CACNA2D1: variants seen among roughly 807,000 people sequenced by gnomAD.
The protein encoded by CACNA2D1 is calcium voltage-gated channel auxiliary subunit alpha2delta 1.
A neutral mutation model predicts 171.5 loss-of-function variants in CACNA2D1; 53 were observed. That is an observed-to-expected ratio of 0.31 (90% CI 0.25 to 0.39). CACNA2D1 has a LOEUF of 0.39. Among genes scored for constraint, CACNA2D1 ranks in the 10% least tolerant of loss-of-function variants. The probability of loss-of-function intolerance (pLI) is 1.00; values close to 1 mark genes in which losing one functional copy is unlikely to be tolerated. For missense variants in CACNA2D1, 903 were observed against 1,299.8 expected, an observed-to-expected ratio of 0.69 and a Z score of 4.69; for synonymous variants, 442 against 443.1, an observed-to-expected ratio of 1.00 and a Z score of 0.03.
chr7:82,255,381 G>GT (rs1563265465), intron 3 of CACNA2D1, among the ~76,000 whole-genome samples: 1 of 152,108 alleles, frequency 6.6e-6, no homozygotes, highest in Non-Finnish European at 1.5e-5. Flanking sequence ...GTTCTTTGAC[G>GT]TATGTATCCC....
At chr7:82,337,662 C>T (rs760879928) in intron 2 of CACNA2D1, among the ~76,000 whole-genome samples, 74 of 152,122 alleles carry the variant, frequency 4.9e-4, no homozygotes, top group Non-Finnish European at 7.1e-4. Flanking sequence ...GGAAATAATA[C>T]GAGTTTTTGG....
At chr7:82,335,399 A>T (rs1585545719) in intron 2 of CACNA2D1, 148 bp from the exon 3 acceptor site, 1 of 646,546 alleles carries the variant, frequency 1.5e-6, no homozygotes, top group East Asian at 2.7e-5. Flanking sequence ...TGAGTGTGTC[A>T]GGAAAAAATA....
intron 7 of CACNA2D1, among the ~76,000 whole-genome samples, chr7:82,067,094 TTGTA>T (rs1807732658): frequency 6.6e-6 from 1 of 152,166 alleles, no homozygotes; most frequent in African/African-American, 2.4e-5. Context: ...TTCAACAATC[TTGTA>T]TGACTTTCAC....
intron 1 of CACNA2D1, among the ~76,000 whole-genome samples, chr7:82,406,193 T>C (rs961718161): frequency 3.9e-5 from 6 of 152,194 alleles, no homozygotes; most frequent in Non-Finnish European, 7.3e-5. Context: ...TCCAGCTTCA[T>C]CCATGTCCCT....
chr7:82,112,954 G>T (rs747992011), intron 6 of CACNA2D1, among the ~76,000 whole-genome samples: 1 of 152,100 alleles, frequency 6.6e-6, no homozygotes, highest in Non-Finnish European at 1.5e-5. Context: ...AGCACTTTTA[G>T]TAAAGCATAT....
intron 5 of CACNA2D1, among the ~76,000 whole-genome samples, chr7:82,134,742 A>G (rs1410633150): frequency 5.9e-5 from 9 of 152,186 alleles, no homozygotes; most frequent in African/African-American, 2.2e-4. Flanking sequence ...GTTCACTTAC[A>G]CATTTTTTTC....
chr7:82,231,897 T>G (rs1405213621), intron 3 of CACNA2D1, among the ~76,000 whole-genome samples: 1 of 152,148 alleles, frequency 6.6e-6, no homozygotes, highest in Non-Finnish European at 1.5e-5. Flanking sequence ...CATTTTACAT[T>G]TTACTCTTCC....
chr7:82,084,465 T>C (rs1447386961), intron 7 of CACNA2D1, among the ~76,000 whole-genome samples: 1 of 152,160 alleles, frequency 6.6e-6, no homozygotes, highest in Non-Finnish European at 1.5e-5. Flanking sequence ...TGGGCCTTTA[T>C]CTCAGAGCTG....
chr7:82,297,659 T>C (rs962841746), intron 3 of CACNA2D1, among the ~76,000 whole-genome samples: 1 of 152,190 alleles, frequency 6.6e-6, no homozygotes, highest in Non-Finnish European at 1.5e-5. Flanking sequence ...AGATCACCTT[T>C]AGCCTTTTTA....
At chr7:82,438,918 A>AT (rs915643162) in intron 1 of CACNA2D1, among the ~76,000 whole-genome samples, 1 of 152,118 alleles carries the variant, frequency 6.6e-6, no homozygotes, top group African/African-American at 2.4e-5. Flanking sequence ...TGAAATTCTG[A>AT]TTTTTTTCCC....
At chr7:82,233,335 AT>A (rs1339227153) in intron 3 of CACNA2D1, among the ~76,000 whole-genome samples, 3 of 152,334 alleles carry the variant, frequency 2.0e-5, no homozygotes, top group Admixed American at 2.0e-4. Context: ...AACAGTATAC[AT>A]ACAGAAAAGT....
intron 3 of CACNA2D1, among the ~76,000 whole-genome samples, chr7:82,218,657 ATTTCT>A (rs1305563628): frequency 2.6e-5 from 4 of 152,156 alleles, no homozygotes; most frequent in Non-Finnish European, 5.9e-5. Flanking sequence ...TTGACTAAAA[ATTTCT>A]TTTCTCTGTA....
chr7:82,400,055 A>G (rs1585817252), intron 1 of CACNA2D1, among the ~76,000 whole-genome samples: 1 of 151,122 alleles, frequency 6.6e-6, no homozygotes, highest in African/African-American at 2.4e-5. Context: ...TGTTCCATTG[A>G]TCTATATCTC....
At chr7:82,098,996 T>C (rs1029691457) in intron 6 of CACNA2D1, among the ~76,000 whole-genome samples, 1 of 152,222 alleles carries the variant, frequency 6.6e-6, no homozygotes, top group Non-Finnish European at 1.5e-5. Context: ...TTTAAACCAG[T>C]AGTTACTCTG....
At position 82,060,198 on chromosome 7, in the gene CACNA2D1, ATAT is replaced by A. The variant is rs1480462102; in HGVS notation, c.879+227_879+229del. ...TATATAATATATATATATTATATAT[ATAT>A]TATATATATAATATATATATAATAT... On this transcript the variant is annotated intron_variant, in intron 10 of 38. Coordinates refer to ENST00000356860, the MANE Select transcript of CACNA2D1 (RefSeq NM_000722.4). 1.8e-4 allele frequency among the ~76,000 whole-genome samples: 2 copies of A among 10,974 alleles called. 1 individual carries two copies. Among genetic ancestry groups the A allele is most frequent in the Non-Finnish European group, 4.7e-4 (2 of 4,292 alleles). 7.2% of individuals were successfully genotyped at this position (10,974 alleles called of 152,430 possible).
At chr7:81,978,645 A>G (rs1191975866) in intron 24 of CACNA2D1, among the ~76,000 whole-genome samples, 1 of 151,808 alleles carries the variant, frequency 6.6e-6, no homozygotes, top group East Asian at 1.9e-4. Context: ...AACCTAGATG[A>G]TGTGTTGATA....
chr7:81,961,518 TTAC>T (rs1794113261), intron 36 of CACNA2D1, among the ~76,000 whole-genome samples: 1 of 151,382 alleles, frequency 6.6e-6, no homozygotes, highest in Non-Finnish European at 1.5e-5. Flanking sequence ...ATTATTTAAA[TTAC>T]TAATATATTT....
intron 19 of CACNA2D1, among the ~76,000 whole-genome samples, chr7:81,996,884 T>C (rs1798099767): frequency 6.6e-6 from 1 of 152,028 alleles, no homozygotes; most frequent in African/African-American, 2.4e-5. Flanking sequence ...CTCTATGATT[T>C]TTACTGAAGT....
chr7:82,050,659 CT>C lies in CACNA2D1; in HGVS notation c.879+9768del. On this transcript the variant is annotated intron_variant, in intron 10 of 38. Coordinates refer to ENST00000356860, the MANE Select transcript of CACNA2D1 (RefSeq NM_000722.4). The stretch of plus-strand genomic sequence containing the variant: ...ATGCAAATAAATCTGAATAAATTGG[CT>C]GTTAATGCTTAGACTTAAATGTGAA... The C allele has an allele frequency of 5.7e-6, 4 of 702,236 alleles. No individual in the cohort carries two copies. The South Asian group carries it at 5.9e-5, about 10-fold the overall frequency. 43.5% of individuals were successfully genotyped at this position (702,236 alleles called of 1,614,324 possible).
Sources: gnomAD v4.1 joint callset for allele counts (sites outside exome capture counted in the v4.1 genomes callset) on GRCh38, gnomAD v4.1.1 for gene constraint, MANE v1.5 for transcripts, NCBI Gene and HGNC (gene_info 2026-07-23, HGNC 2026-07-21) for gene names.